The following ZNF169 variants were observed in gnomAD, a reference collection of about 807,000 sequenced individuals.
ZNF169 encodes the protein zinc finger protein 169.
A neutral mutation model predicts 12.0 loss-of-function variants in ZNF169; 11 were observed. The ratio of observed to expected loss-of-function variants is 0.92; its 90% CI spans 0.58 to 1.52. The LOEUF (loss-of-function observed/expected upper bound fraction) is 1.52. Among genes scored for constraint, ZNF169 ranks in the 40% most tolerant of loss-of-function variants. The pLI, the probability that ZNF169 is intolerant of heterozygous loss-of-function variation, is 0.00. For missense variants in ZNF169, 722 were observed against 744.0 expected, an observed-to-expected ratio of 0.97 and a Z score of 0.34; for synonymous variants, 302 against 286.5, an observed-to-expected ratio of 1.05 and a Z score of -0.55.
intron 2 of ZNF169, chr9:94,287,637 T>G (rs1384192174): frequency 2.3e-5 from 16 of 680,980 alleles, no homozygotes; most frequent in Non-Finnish European, 3.6e-5. Context: ...GTGCTGGGAT[T>G]ACAGGCATGA....
At chr9:94,260,489 G>T (rs988476678) in intron 1 of ZNF169, among the ~76,000 whole-genome samples, 1 of 152,242 alleles carries the variant, frequency 6.6e-6, no homozygotes, top group African/African-American at 2.4e-5. Context: ...ATAGTGGGGG[G>T]GGGGACGGCT....
At chr9:94,292,575 C>A (rs1830864165) in intron 3 of ZNF169, 108 bp downstream of exon 3, 2 of 1,445,200 alleles carry the variant, frequency 1.4e-6, no homozygotes, top group African/African-American at 1.4e-5. Flanking sequence ...TTCCCCTATT[C>A]CCCCAGAGAA....
In ZNF169 at chr9:94,300,501, G is replaced by A; in HGVS notation, c.943G>A (p.Glu315Lys). 1.9e-6 allele frequency: 3 copies of A among 1,614,236 alleles called. No individual in the cohort carries two copies. Among genetic ancestry groups the A allele is most frequent in the Non-Finnish European group, 1.7e-6 (2 of 1,180,048 alleles). The stretch of plus-strand genomic sequence containing the variant: ...TAATCACAAGAGGATTCACTCCGGG[G>A]AGAGGCCCTTTGTATGTCAGGAGTG... ...LTNHKRIHSG[E>K]RPFVCQECGR... is the part of the protein sequence containing the mutation. The change falls in exon 5 of 5, where the codon GAG (glutamate) becomes AAG (lysine). Residue 315 changes from glutamate to lysine, a missense_variant. Transcript: ENST00000395395.
At chr9:94,272,700 T>C (rs1056807406) in intron 1 of ZNF169, among the ~76,000 whole-genome samples, 14 of 152,314 alleles carry the variant, frequency 9.2e-5, no homozygotes, top group Non-Finnish European at 1.8e-4. Context: ...AATGGATACA[T>C]CTGCTTCCAA....
chr9:94,277,452 A>G (rs1362705554), intron 1 of ZNF169, among the ~76,000 whole-genome samples: 1 of 152,198 alleles, frequency 6.6e-6, no homozygotes, highest in Non-Finnish European at 1.5e-5. Flanking sequence ...TTTGTAGGGC[A>G]ATTTCAAGGT....
chr9:94,276,032 C>T (rs1273379313), intron 1 of ZNF169, among the ~76,000 whole-genome samples: 1 of 152,164 alleles, frequency 6.6e-6, no homozygotes, highest in Non-Finnish European at 1.5e-5. Context: ...CCTCAGCCAC[C>T]TCTCAAAGTG....
intron 2 of ZNF169, chr9:94,288,387 C>G: frequency 8.0e-7 from 1 of 1,245,842 alleles, no homozygotes; most frequent in Non-Finnish European, 1.2e-6. Flanking sequence ...CCAGACTGCC[C>G]GTCACTTTGG....
intron 2 of ZNF169, chr9:94,287,873 C>A: frequency 1.0e-6 from 1 of 1,004,832 alleles, no homozygotes; most frequent in Non-Finnish European, 1.6e-6. Context: ...CAGGGTCGAT[C>A]TGATACTTGG....
chr9:94,260,495 C>T (rs1376334164), intron 1 of ZNF169, among the ~76,000 whole-genome samples: 2 of 137,070 alleles, frequency 1.5e-5, no homozygotes, highest in Non-Finnish European at 1.6e-5. Flanking sequence ...GGGGGGGGGA[C>T]GGCTAGGGCC....
intron 3 of ZNF169, 180 bp downstream of exon 3, chr9:94,292,647 G>GCACACA: frequency 1.2e-6 from 1 of 807,244 alleles, no homozygotes. Flanking sequence ...GTGTGCGCGT[G>GCACACA]CACATGCTGT....
intron 2 of ZNF169, among the ~76,000 whole-genome samples, chr9:94,289,279 G>T (rs1490747696): frequency 2.0e-5 from 3 of 151,924 alleles, no homozygotes; most frequent in Non-Finnish European, 4.4e-5. Flanking sequence ...CACACCTGTG[G>T]TCCCAGCAAC....
intron 1 of ZNF169, among the ~76,000 whole-genome samples, chr9:94,265,494 C>T (rs1004207706): frequency 5.3e-5 from 8 of 151,658 alleles, no homozygotes; most frequent in Non-Finnish European, 1.0e-4. Context: ...GCAGGAGACT[C>T]ACTTGAGCCC....
chr9:94,300,966 A>C lies in ZNF169; in HGVS notation c.1408A>C (p.Lys470Gln). The stretch of plus-strand genomic sequence containing the variant: ...TGATTGTGGGCGTGGCTTTGGTCAG[A>C]AGGTCACCCTCATCAGACACCAGAG... ...CPDCGRGFGQ[K>Q]VTLIRHQRTH... is the part of the protein sequence containing the mutation. Residue 470 changes from lysine to glutamine, a missense_variant, in exon 5 of 5, where the codon AAG becomes CAG. Transcript: ENST00000395395. 2 of 1,613,916 alleles carry C rather than the reference A, an allele frequency of 1.2e-6. No homozygotes were observed. The highest frequency in any genetic ancestry group is 1.7e-6 in the Non-Finnish European group (2 of 1,179,934).
chr9:94,289,225 C>T (rs1830779619), intron 2 of ZNF169, among the ~76,000 whole-genome samples: 1 of 151,458 alleles, frequency 6.6e-6, no homozygotes, highest in Non-Finnish European at 1.5e-5. Context: ...ATAGTAAGAC[C>T]CCATCTGTTA....
At chr9:94,294,709 T>C (rs961914444) in intron 4 of ZNF169, 1 of 152,238 alleles carries the variant, frequency 6.6e-6, no homozygotes, top group African/African-American at 2.4e-5. Context: ...TCTTTTCATA[T>C]GTTGCTTGGC....
At chr9:94,270,431 T>C (rs1476016806) in intron 1 of ZNF169, among the ~76,000 whole-genome samples, 1 of 151,294 alleles carries the variant, frequency 6.6e-6, no homozygotes, top group Admixed American at 6.6e-5. Flanking sequence ...ATACTTTTCA[T>C]GTTCTTGATC....
intron 1 of ZNF169, among the ~76,000 whole-genome samples, chr9:94,265,906 T>G (rs1281764439): frequency 6.6e-6 from 1 of 151,998 alleles, no homozygotes; most frequent in Non-Finnish European, 1.5e-5. Flanking sequence ...AAATGGGTCC[T>G]GTTAAGAATT....
chr9:94,278,980 T>G, intron 2 of ZNF169, 135 bp downstream of exon 2: 2 of 821,620 alleles, frequency 2.4e-6, no homozygotes, highest in Non-Finnish European at 3.9e-6. Context: ...TGGAGTTTTC[T>G]CTCAGTCTTA....
chr9:94,266,027 A>G (rs1179205193), intron 1 of ZNF169, among the ~76,000 whole-genome samples: 1 of 150,938 alleles, frequency 6.6e-6, no homozygotes, highest in Non-Finnish European at 1.5e-5. Flanking sequence ...CAGAGGTTGC[A>G]GTGAGACAAG....
Sources: gnomAD v4.1 joint callset for allele counts (sites outside exome capture counted in the v4.1 genomes callset) on GRCh38, gnomAD v4.1.1 for gene constraint, MANE v1.5 for transcripts, NCBI Gene and HGNC (gene_info 2026-07-23, HGNC 2026-07-21) for gene names.